PDE6B: variants seen among roughly 807,000 people sequenced by gnomAD.
PDE6B encodes the protein rod cGMP-specific 3',5'-cyclic phosphodiesterase subunit beta.
PDE6B carries 106 observed loss-of-function variants against 109.0 expected under a neutral mutation model. That is an observed-to-expected ratio of 0.97 (90% CI 0.83 to 1.14). PDE6B has a LOEUF of 1.14. Among genes scored for constraint, PDE6B ranks in the 50% most tolerant of loss-of-function variants. The pLI, the probability that PDE6B is intolerant of heterozygous loss-of-function variation, is 0.00. For missense variants in PDE6B, 1,193 were observed against 1,155.6 expected (o/e 1.03, Z -0.47); for synonymous variants, 490 against 471.3 (o/e 1.04, Z -0.51).
intron 1 of PDE6B, among the ~76,000 whole-genome samples, chr4:627,289 G>T (rs987762735): frequency 6.6e-6 from 1 of 152,100 alleles, no homozygotes; most frequent in African/African-American, 2.4e-5. Context: ...AGGACTAGAG[G>T]TGCCCGCCAC....
At chr4:640,855 G>A (rs1734915628) in intron 3 of PDE6B, among the ~76,000 whole-genome samples, 1 of 152,194 alleles carries the variant, frequency 6.6e-6, no homozygotes, top group Admixed American at 6.5e-5. Flanking sequence ...GGCTCTGTTG[G>A]TGAGTCTATT....
chr4:626,764 C>T lies in PDE6B; in HGVS notation c.468+670C>T, dbSNP rs1734126026. 6.6e-6 allele frequency among the ~76,000 whole-genome samples: 1 copy of T among 152,202 alleles called. No homozygotes were observed. The highest frequency in any genetic ancestry group is 1.5e-5 in the Non-Finnish European group (1 of 68,028). On this transcript the variant is annotated intron_variant, in intron 1 of 21. Transcript: ENST00000496514. The surrounding 1 kb of genome is among the most constrained non-coding windows in gnomAD (Gnocchi z 4.6). ...GAGGGAAGGGCAGGGCCTGTTCATG[C>T]AAAGCCTGGGCTAGGGCAGACGCTT...
intron 2 of PDE6B, among the ~76,000 whole-genome samples, chr4:635,104 C>T (rs1168167061): frequency 8.0e-6 from 1 of 125,734 alleles, no homozygotes; most frequent in Non-Finnish European, 1.6e-5. Flanking sequence ...TGCCTCCTTA[C>T]CTGCCTGCCC....
intron 12 of PDE6B, chr4:661,741 CT>C (rs1737127892): frequency 6.4e-6 from 2 of 314,310 alleles, no homozygotes; most frequent in African/African-American, 2.2e-5. Context: ...GACATCGGTT[CT>C]CCCACCCCAG....
At chr4:669,476 C>T (rs539819993) in intron 21 of PDE6B, among the ~76,000 whole-genome samples, 19 of 129,654 alleles carry the variant, frequency 1.5e-4, no homozygotes, top group East Asian at 6.6e-4. Flanking sequence ...ATTCCCACTA[C>T]GCCATGCTAT....
At chr4:655,419 G>C (rs1269456632) in intron 6 of PDE6B, 3 of 283,484 alleles carry the variant, frequency 1.1e-5, no homozygotes, top group Non-Finnish European at 2.0e-5. Context: ...CAGGCCCCAA[G>C]CAGGAACCAG....
intron 3 of PDE6B, among the ~76,000 whole-genome samples, chr4:644,543 T>A (rs1275492387): frequency 6.6e-6 from 1 of 151,902 alleles, no homozygotes; most frequent in Non-Finnish European, 1.5e-5. Context: ...TATTTTTATT[T>A]TTTTGAGACA....
At chr4:664,010 C>A in intron 16 of PDE6B, 104 bp from the exon 17 acceptor site, 4 of 1,139,794 alleles carry the variant, frequency 3.5e-6, no homozygotes, top group Non-Finnish European at 5.3e-6. Flanking sequence ...CCGCGCACCC[C>A]GGATGGGGCC....
chr4:645,441 G>A (rs1009001291), intron 3 of PDE6B, among the ~76,000 whole-genome samples: 3 of 151,502 alleles, frequency 2.0e-5, no homozygotes, highest in East Asian at 1.9e-4. Flanking sequence ...GACTACAGGC[G>A]CCCGCCACCA....
At chr4:655,585 AG>A in intron 6 of PDE6B, 1 of 399,638 alleles carries the variant, frequency 2.5e-6, no homozygotes, top group South Asian at 2.2e-5. Flanking sequence ...GGGAGGAGGA[AG>A]AAGGCAGCAC....
intron 1 of PDE6B, among the ~76,000 whole-genome samples, chr4:627,172 A>G (rs1734152042): frequency 1.4e-5 from 2 of 148,120 alleles, no homozygotes; most frequent in Non-Finnish European, 1.5e-5. Flanking sequence ...TTTGAGACAG[A>G]GTCTTGCTCT....
chr4:659,586 C>T (rs1045808204), intron 11 of PDE6B, among the ~76,000 whole-genome samples: 2 of 150,342 alleles, frequency 1.3e-5, no homozygotes, highest in Non-Finnish European at 3.0e-5. Context: ...TGTGTGTGCA[C>T]ATGTGGGTAT....
Position 665,212 on chromosome 4 carries a change from TG to T in PDE6B, c.2194-40del. On this transcript the variant is annotated intron_variant, in intron 18 of 21. Coordinates refer to ENST00000496514, the MANE Select transcript of PDE6B (RefSeq NM_000283.4). The surrounding 1 kb of genome is among the most constrained non-coding windows in gnomAD (Gnocchi z 4.0). ...CGGGGCGGGCCCGGGCCCTTCCGCG[TG>T]GGCTCAGAGCTCCACAGACAGCTGC... 1 of 1,469,328 alleles carries T rather than the reference TG, an allele frequency of 6.8e-7. No homozygotes were observed. The highest frequency in any genetic ancestry group is 9.5e-7 in the Non-Finnish European group (1 of 1,052,170). 91.0% of individuals were successfully genotyped at this position (1,469,328 alleles called of 1,614,324 possible).
intron 20 of PDE6B, 32 bp from the exon 21 acceptor site, chr4:667,824 A>G: frequency 1.2e-6 from 2 of 1,607,842 alleles, no homozygotes; most frequent in Non-Finnish European, 1.7e-6. Context: ...CAGGCAGGAC[A>G]GGACTGGTGG....
chr4:642,232 G>A (rs558997762), intron 3 of PDE6B, among the ~76,000 whole-genome samples: 1 of 150,702 alleles, frequency 6.6e-6, no homozygotes, highest in Admixed American at 6.6e-5. Context: ...AGCACTTTGG[G>A]AGGCCAAGGT....
intron 1 of PDE6B, among the ~76,000 whole-genome samples, chr4:630,765 T>C (rs1453090609): frequency 6.6e-6 from 1 of 152,168 alleles, no homozygotes; most frequent in Non-Finnish European, 1.5e-5. Flanking sequence ...TCTGGACCTC[T>C]AAGGAGCTGT....
Position 635,890 on chromosome 4 carries a change from A to C in PDE6B, c.632A>C (p.Lys211Thr), listed in dbSNP as rs931585780. The C allele has an allele frequency of 1.0e-5, 16 of 1,560,322 alleles. No homozygotes were observed. The highest frequency in any genetic ancestry group is 1.4e-5 in the Non-Finnish European group (16 of 1,130,952). The change falls in exon 3 of 22, where the codon AAG becomes ACG. Residue 211 changes from lysine (K) to threonine (T), a missense_variant. By Grantham distance (78) the Lys-to-Thr change is moderately conservative. Transcript: ENST00000496514. ...FTSEDEDVFL[K>T]YLNFATLYLK... Reference sequence around the variant, plus strand: ...CAATTCCTGTTTCAGGTGTTCTTGAAGTACCTGAATTTTGCCACGTTGTAC... The same window carrying C: ...CAATTCCTGTTTCAGGTGTTCTTGACGTACCTGAATTTTGCCACGTTGTAC...
In PDE6B at chr4:658,927, G is replaced by T. The variant is rs370704907; in HGVS notation, c.1402-25G>T. ...TGTCCCACATGCGAAGCTCTTTCTC[G>T]TGACACATCTGTGTCTCTGTGTAGC... On this transcript the variant is annotated intron_variant, in intron 10 of 21. Coordinates refer to ENST00000496514, the MANE Select transcript of PDE6B (RefSeq NM_000283.4). 14 of 1,584,674 alleles carry T rather than the reference G, an allele frequency of 8.8e-6. No homozygotes were observed. In the South Asian group the frequency reaches 1.3e-4, roughly 15 times the overall value.
At chr4:669,666 G>GCCATGCTATTCCCGCTACC (rs1415386753) in intron 21 of PDE6B, among the ~76,000 whole-genome samples, 1 of 29,950 alleles carries the variant, frequency 3.3e-5, no homozygotes, top group Non-Finnish European at 5.8e-5. Flanking sequence ...TTCCCGCTAC[G>GCCATGCTATTCCCGCTACC]CCATGCTATT....
Sources: allele counts gnomAD v4.1 joint callset (sites outside exome capture counted in the v4.1 genomes callset), GRCh38; gene constraint gnomAD v4.1.1; non-coding constraint Gnocchi (gnomAD v3.1); transcripts MANE v1.5; gene names NCBI Gene and HGNC (gene_info 2026-07-23, HGNC 2026-07-21).